FAM135A: variants seen among roughly 807,000 people sequenced by gnomAD.
The protein encoded by FAM135A is family with sequence similarity 135 member A.
Under a neutral mutation model 146.8 loss-of-function variants are expected in FAM135A, and 79 were observed. The observed-to-expected ratio is 0.54, with a 90% CI of 0.45 to 0.65. The LOEUF (loss-of-function observed/expected upper bound fraction) is 0.65. FAM135A is among the 30% of genes least tolerant of loss of function. FAM135A has a pLI of 0.00. For missense variants in FAM135A, 1,623 were observed against 1,758.2 expected (o/e 0.92, Z 1.38); for synonymous variants, 562 against 603.6 (o/e 0.93, Z 1.01).
At position 70,525,616 on chromosome 6, in the gene FAM135A, C is replaced by T; in HGVS notation, c.2532C>T (p.Pro844=). ...QSSLTSINSL[P]SDDELSPDEN... is the part of the protein sequence containing the mutation. The stretch of plus-strand genomic sequence containing the variant: ...CTTTGACATCCATAAACTCTCTACC[C>T]TCCGATGATGAACTGTCACCTGATG... Residue 844 remains proline (P), a synonymous_variant, in exon 15 of 22, where the codon CCC becomes CCT. Coordinates refer to ENST00000418814, the MANE Select transcript of FAM135A (RefSeq NM_001162529.3). 1 of 1,613,492 alleles carries T rather than the reference C, an allele frequency of 6.2e-7. No homozygotes were observed. Among genetic ancestry groups the T allele is most frequent in the Non-Finnish European group, 8.5e-7 (1 of 1,179,644 alleles).
intron 11 of FAM135A, among the ~76,000 whole-genome samples, chr6:70,494,399 G>A (rs543838671): frequency 6.6e-6 from 1 of 151,744 alleles, no homozygotes; most frequent in African/African-American, 2.4e-5. Flanking sequence ...GGAGACTGAG[G>A]TGGGAGTACT....
At chr6:70,547,765 A>T (rs772855723) in intron 20 of FAM135A, among the ~76,000 whole-genome samples, 16 of 152,222 alleles carry the variant, frequency 1.1e-4, no homozygotes, top group Non-Finnish European at 2.4e-4. Context: ...AGGTGTTCAT[A>T]TATCAATCAT....
At chr6:70,493,145 C>T (rs187177605) in intron 11 of FAM135A, among the ~76,000 whole-genome samples, 3 of 151,732 alleles carry the variant, frequency 2.0e-5, no homozygotes, top group Admixed American at 6.6e-5. Flanking sequence ...ATCCATGAAG[C>T]TTGATACTGT....
chr6:70,465,355 C>T (rs992219708), intron 5 of FAM135A, among the ~76,000 whole-genome samples: 3 of 152,064 alleles, frequency 2.0e-5, no homozygotes, highest in South Asian at 4.1e-4. Flanking sequence ...CTCTTTGACC[C>T]TCTTTTATCA....
intron 2 of FAM135A, among the ~76,000 whole-genome samples, chr6:70,421,070 C>A (rs1768714841): frequency 6.6e-6 from 1 of 152,018 alleles, no homozygotes; most frequent in Non-Finnish European, 1.5e-5. Flanking sequence ...TATATAGAGA[C>A]ACGGTTTTGC....
At chr6:70,451,102 A>G (rs1776991673) in intron 4 of FAM135A, among the ~76,000 whole-genome samples, 1 of 152,064 alleles carries the variant, frequency 6.6e-6, no homozygotes, top group Non-Finnish European at 1.5e-5. Context: ...GGTCCCATAC[A>G]AATTTTAGTA....
chr6:70,418,520 G>C (rs1018078884), intron 2 of FAM135A: 1 of 152,194 alleles, frequency 6.6e-6, no homozygotes, highest in African/African-American at 2.4e-5. Context: ...AGTAGAGACA[G>C]GGTTTCGCTA....
intron 12 of FAM135A, among the ~76,000 whole-genome samples, chr6:70,520,371 T>C (rs1160474810): frequency 1.3e-5 from 2 of 152,182 alleles, no homozygotes; most frequent in Non-Finnish European, 2.9e-5. Flanking sequence ...AGCATAGATA[T>C]TAGATAATCT....
intron 5 of FAM135A, among the ~76,000 whole-genome samples, chr6:70,474,886 G>A (rs964662993): frequency 6.6e-6 from 1 of 152,084 alleles, no homozygotes; most frequent in East Asian, 1.9e-4. Flanking sequence ...GGCTCAAAGC[G>A]CAACTCTCTA....
chr6:70,465,353 C>A (rs1381304015), intron 5 of FAM135A, among the ~76,000 whole-genome samples: 1 of 152,086 alleles, frequency 6.6e-6, no homozygotes, highest in Non-Finnish European at 1.5e-5. Context: ...ATCTCTTTGA[C>A]CCTCTTTTAT....
rs769857766 is a variant in FAM135A, at chr6:70,452,490, A to G, written c.78-2A>G. On this transcript the variant is annotated splice_acceptor_variant, in intron 4 of 21. Transcript: ENST00000418814. LOFTEE classifies it high-confidence loss of function. ...ATAACTTCCTTGTTTATTTTGCTTTAGTTTTTACCAGATTCGTGCTTCTAT... is the reference window on the plus strand; with the variant it reads ...ATAACTTCCTTGTTTATTTTGCTTTGGTTTTTACCAGATTCGTGCTTCTAT... 6.3e-7 allele frequency: 1 copy of G among 1,593,750 alleles called. No individual in the cohort carries two copies. The highest frequency in any genetic ancestry group is 1.4e-5 in the African/African-American group (1 of 73,660).
chr6:70,481,978 T>C, intron 9 of FAM135A, 23 bp from the exon 10 acceptor site: 1 of 1,605,764 alleles, frequency 6.2e-7, no homozygotes, highest in Non-Finnish European at 8.5e-7. Context: ...ACACTCTGTA[T>C]CCTACATCTG....
At chr6:70,416,947 G>C (rs1767697703) in intron 2 of FAM135A, among the ~76,000 whole-genome samples, 1 of 152,136 alleles carries the variant, frequency 6.6e-6, no homozygotes, top group Non-Finnish European at 1.5e-5. Context: ...ATTGGCAGTT[G>C]TTAACAGGTA....
At chr6:70,447,495 C>T (rs1776023558) in intron 4 of FAM135A, among the ~76,000 whole-genome samples, 1 of 152,210 alleles carries the variant, frequency 6.6e-6, no homozygotes, top group South Asian at 2.1e-4. Context: ...TCCACAGACT[C>T]CTGTTGGGAC....
At position 70,477,219 on chromosome 6, in the gene FAM135A, C is replaced by G; in HGVS notation, c.429C>G (p.Ser143Arg). The G allele has an allele frequency of 6.2e-7, 1 of 1,613,582 alleles. No homozygotes were observed. Among genetic ancestry groups the G allele is most frequent in the Non-Finnish European group, 8.5e-7 (1 of 1,179,728 alleles). The stretch of plus-strand genomic sequence containing the variant: ...GCCGAACATTGAAGCTGCACTTTAG[C>G]CCCCATAGAGGCCTTCATCATCATG... ...ISSRTLKLHF[S>R]PHRGLHHHVN... Residue 143 changes from serine (S) to arginine (R), a missense_variant, in exon 8 of 22, where the codon AGC becomes AGG. Physicochemically the swap from Ser to Arg is moderately radical, Grantham distance 110. Coordinates refer to ENST00000418814, the MANE Select transcript of FAM135A (RefSeq NM_001162529.3).
At chr6:70,509,171 C>T (rs892450238) in intron 12 of FAM135A, among the ~76,000 whole-genome samples, 1 of 152,108 alleles carries the variant, frequency 6.6e-6, no homozygotes, top group Non-Finnish European at 1.5e-5. Context: ...CAGTGGCTCA[C>T]ACTTGTAATC....
At chr6:70,488,789 T>C (rs1785242346) in intron 10 of FAM135A, among the ~76,000 whole-genome samples, 1 of 152,166 alleles carries the variant, frequency 6.6e-6, no homozygotes, top group African/African-American at 2.4e-5. Context: ...TTTCATATTC[T>C]TTCCAAAATA....
intron 5 of FAM135A, among the ~76,000 whole-genome samples, chr6:70,458,381 T>G (rs1416951794): frequency 6.6e-6 from 1 of 152,208 alleles, no homozygotes; most frequent in Non-Finnish European, 1.5e-5. Context: ...ATCAATGTAT[T>G]TTATTTTTAA....
chr6:70,483,754 T>C (rs1461238109), intron 10 of FAM135A, among the ~76,000 whole-genome samples: 1 of 152,144 alleles, frequency 6.6e-6, no homozygotes, highest in African/African-American at 2.4e-5. Context: ...AACAGTGTGA[T>C]GAAAAGTAGT....
Sources: allele counts gnomAD v4.1 joint callset (sites outside exome capture counted in the v4.1 genomes callset), GRCh38; gene constraint gnomAD v4.1.1; transcripts MANE v1.5; gene names NCBI Gene and HGNC (gene_info 2026-07-23, HGNC 2026-07-21).